Variants in ATP6V0E1 observed in about 807,000 individuals in gnomAD.
ATP6V0E1 encodes the protein ATPase H+ transporting V0 subunit e1.
A neutral mutation model predicts 11.6 loss-of-function variants in ATP6V0E1; 4 were observed. The ratio of observed to expected loss-of-function variants is 0.35; its 90% CI spans 0.17 to 0.79. The LOEUF is 0.79. Among genes scored for constraint, ATP6V0E1 ranks in the 30% least tolerant of loss-of-function variants. ATP6V0E1 has a pLI of 0.54. For missense variants in ATP6V0E1, 105 were observed against 100.0 expected (o/e 1.05, Z -0.21); for synonymous variants, 36 against 34.8 (o/e 1.04, Z -0.13).
intron 3 of ATP6V0E1, among the ~76,000 whole-genome samples, chr5:173,026,375 T>G (rs1375391729): frequency 6.6e-6 from 1 of 152,346 alleles, no homozygotes; most frequent in African/African-American, 2.4e-5. Flanking sequence ...TGTGTTCAAT[T>G]TATTGTATTT....
chr5:173,009,378 C>A (rs554520658), intron 2 of ATP6V0E1, among the ~76,000 whole-genome samples: 25 of 150,902 alleles, frequency 1.7e-4, no homozygotes, highest in Admixed American at 4.0e-4. Context: ...CCCTGGGCAA[C>A]ATAGCAAGAT....
chr5:173,026,676 ATAAT>A (rs773337137), intron 3 of ATP6V0E1, among the ~76,000 whole-genome samples: 1 of 152,162 alleles, frequency 6.6e-6, no homozygotes, highest in Admixed American at 6.6e-5. Flanking sequence ...ATAGCCATTG[ATAAT>A]CCTTTTGGGT....
intron 3 of ATP6V0E1, among the ~76,000 whole-genome samples, chr5:173,024,271 C>A (rs1173920510): frequency 6.7e-6 from 1 of 150,000 alleles, no homozygotes; most frequent in Non-Finnish European, 1.5e-5. Flanking sequence ...AGGTTTAATT[C>A]TTTTAATTTT....
At chr5:172,987,109 A>G in intron 1 of ATP6V0E1, 1 of 211,234 alleles carries the variant, frequency 4.7e-6, no homozygotes, top group South Asian at 5.6e-5. Flanking sequence ...TTTAAACAAA[A>G]AGAGGAGCAG....
chr5:173,010,052 G>T (rs544818079), intron 2 of ATP6V0E1, among the ~76,000 whole-genome samples: 1 of 152,146 alleles, frequency 6.6e-6, no homozygotes, highest in African/African-American at 2.4e-5. Flanking sequence ...GCGAGCCACC[G>T]TGCCTGTCCT....
intron 1 of ATP6V0E1, among the ~76,000 whole-genome samples, chr5:172,991,887 CAG>C (rs1463302260): frequency 1.3e-5 from 2 of 152,154 alleles, no homozygotes; most frequent in African/African-American, 4.8e-5. Flanking sequence ...TTCATCCCAG[CAG>C]AGAGATCCCT....
rs111323831 is a variant in ATP6V0E1 at position 173,006,716 on chromosome 5, G to A, written c.152+11894G>A. Among the ~76,000 whole-genome samples, 1,322 of 152,270 alleles carry A rather than the reference G, an allele frequency of 8.7e-3. 19 individuals carry two copies. The highest frequency in any genetic ancestry group is 0.03 in the African/African-American group (1,257 of 41,552). On this transcript the variant is annotated intron_variant, in intron 2 of 3. Transcript: ENST00000519374. Reference sequence around the variant, plus strand: ...GATCTGTAAACAGAAGCTCAAGTCCGTGTTGTTTGTTACATACATTTAAGC... The same window carrying A: ...GATCTGTAAACAGAAGCTCAAGTCCATGTTGTTTGTTACATACATTTAAGC...
At chr5:173,028,040 C>A (rs925718408) in intron 3 of ATP6V0E1, among the ~76,000 whole-genome samples, 1 of 152,094 alleles carries the variant, frequency 6.6e-6, no homozygotes, top group East Asian at 1.9e-4. Context: ...CTCTGTCAAC[C>A]GGATTGACAG....
intron 2 of ATP6V0E1, among the ~76,000 whole-genome samples, chr5:173,017,439 C>T (rs1037210252): frequency 1.3e-5 from 2 of 148,612 alleles, no homozygotes; most frequent in African/African-American, 5.0e-5. Flanking sequence ...GAGGCTGAGG[C>T]GGGAGAATCG....
chr5:173,004,838 T>C (rs1045861324), intron 2 of ATP6V0E1, among the ~76,000 whole-genome samples: 5 of 152,196 alleles, frequency 3.3e-5, no homozygotes, highest in Admixed American at 6.5e-5. Flanking sequence ...ATGCCTTGTT[T>C]TTGTTTTTCT....
chr5:173,013,967 A>T (rs1269993309), intron 2 of ATP6V0E1, among the ~76,000 whole-genome samples: 5 of 152,080 alleles, frequency 3.3e-5, no homozygotes, highest in Non-Finnish European at 7.4e-5. Context: ...CAGCCTGGCC[A>T]ACCATGTTCA....
At chr5:172,992,872 A>G (rs960563129) in intron 1 of ATP6V0E1, among the ~76,000 whole-genome samples, 1 of 152,010 alleles carries the variant, frequency 6.6e-6, no homozygotes, top group Admixed American at 6.6e-5. Flanking sequence ...ATCTCGGCTC[A>G]CTGCAACGTC....
At chr5:172,994,857 A>T in intron 2 of ATP6V0E1, 35 bp downstream of exon 2, 1 of 1,517,858 alleles carries the variant, frequency 6.6e-7, no homozygotes, top group Non-Finnish European at 9.0e-7. Context: ...TATTCTTGGT[A>T]TTTGTAGTGT....
At chr5:173,027,178 C>CAAAAAA (rs1158447516) in intron 3 of ATP6V0E1, among the ~76,000 whole-genome samples, 1 of 26,048 alleles carries the variant, frequency 3.8e-5, no homozygotes, top group African/African-American at 1.4e-4. Context: ...GACTCCGTCT[C>CAAAAAA]AAAAAAAAAA....
chr5:173,034,924 A>G lies in ATP6V0E1; in HGVS notation c.*562A>G, dbSNP rs1355193872. 2 of 154,284 alleles carry G rather than the reference A, an allele frequency of 1.3e-5. No individual in the cohort carries two copies. The highest frequency in any genetic ancestry group is 2.9e-5 in the Non-Finnish European group (2 of 69,440). The allele number at this position is 154,284 out of a possible 1,614,324, so 9.6% of individuals were successfully genotyped here. On this transcript the variant is annotated 3_prime_UTR_variant, in exon 4 of 4. Coordinates refer to ENST00000519374, the MANE Select transcript of ATP6V0E1 (RefSeq NM_003945.4). ...CTCGGTGTTTGTAAAGTTCATTTTT[A>G]TAAGCTTTTCTATCGCTACATAATG...
chr5:173,024,950 C>T, intron 3 of ATP6V0E1, among the ~76,000 whole-genome samples: 1 of 148,538 alleles, frequency 6.7e-6, no homozygotes, highest in East Asian at 2.0e-4. Flanking sequence ...TCAAGCGATT[C>T]TCCTGCCTCA....
chr5:173,016,650 T>G (rs1164383108), intron 2 of ATP6V0E1, among the ~76,000 whole-genome samples: 3 of 152,242 alleles, frequency 2.0e-5, no homozygotes, highest in Non-Finnish European at 4.4e-5. Flanking sequence ...GAAAGTGTTT[T>G]TTCAGGCAGC....
chr5:173,008,082 C>G (rs1355529295), intron 2 of ATP6V0E1, among the ~76,000 whole-genome samples: 1 of 152,196 alleles, frequency 6.6e-6, no homozygotes, highest in African/African-American at 2.4e-5. Context: ...CCGGCCTACG[C>G]CTGAAATGTC....
chr5:172,983,951 G>A lies in ATP6V0E1; in HGVS notation c.91G>A (p.Gly31Ser), dbSNP rs751702042. ...CTTGGTGCCTTGGTTCATCCCTAAG[G>A]GTCCTAACCGGGGGTAAGTGCGTGA... ...GFLVPWFIPK[G>S]PNRGVIITML... The change falls in exon 1 of 4, where the codon GGT becomes AGT. Residue 31 changes from glycine to serine, a missense_variant. By Grantham distance (56) the Gly-to-Ser change is moderately conservative. Transcript: ENST00000519374. The A allele has an allele frequency of 6.2e-7, 1 of 1,612,698 alleles. No homozygotes were observed.
Sources: gnomAD v4.1 joint callset for allele counts (sites outside exome capture counted in the v4.1 genomes callset) on GRCh38, gnomAD v4.1.1 for gene constraint, MANE v1.5 for transcripts, NCBI Gene and HGNC (gene_info 2026-07-23, HGNC 2026-07-21) for gene names.